Variants in SPACA6 observed in about 807,000 individuals in gnomAD.
The protein encoded by SPACA6 is sperm acrosome membrane-associated protein 6.
For synonymous variants in SPACA6, 6 were observed against 1.5 expected, an observed-to-expected ratio of 4.05 and a Z score of -2.21; for missense variants, 8 against 2.8, an observed-to-expected ratio of 2.88 and a Z score of -1.34.
intron 4 of SPACA6, 158 bp downstream of exon 4, chr19:51,702,810 T>G: frequency 7.5e-6 from 3 of 398,548 alleles, no homozygotes; most frequent in East Asian, 3.6e-5. Flanking sequence ...TTGCTCTAAA[T>G]CCTCAGAAGG....
At position 51,701,786 on chromosome 19, in the gene SPACA6, C is replaced by T. The variant is rs137916286; in HGVS notation, c.361+60C>T. On this transcript the variant is annotated intron_variant, in intron 3 of 8. Coordinates refer to ENST00000637797, the MANE Select transcript of SPACA6 (RefSeq NM_001316972.2). ...ACACACACACAATTAGAAAACCCCA[C>T]TTTTGGCCGGGGATGGTGGCTCACG... 3.4e-3 allele frequency: 1,329 copies of T among 395,138 alleles called. 11 individuals are homozygous for T. Among genetic ancestry groups the T allele is most frequent in the African/African-American group, 0.022 (1,046 of 48,642 alleles). The allele number at this position is 395,138 out of a possible 1,614,324, so 24.5% of individuals were successfully genotyped here. A position where few individuals can be genotyped will look rare whatever the true frequency, so the allele number is the denominator to read the frequency against.
downstream of SPACA6, among the ~76,000 whole-genome samples, chr19:51,707,181 G>A (rs1211000496): frequency 2.0e-5 from 3 of 151,602 alleles, no homozygotes; most frequent in Non-Finnish European, 2.9e-5. Context: ...GTACTCACAT[G>A]GAACTTACAT....
At chr19:51,712,396 A>G (rs1423709253), downstream of SPACA6, 4 of 152,220 alleles carry the variant, frequency 2.6e-5, no homozygotes, top group African/African-American at 7.2e-5. Context: ...GAAATTTGCT[A>G]TTAACCGAAA....
At chr19:51,697,646 T>G (rs1226758168) in intron 2 of SPACA6, among the ~76,000 whole-genome samples, 4 of 152,086 alleles carry the variant, frequency 2.6e-5, no homozygotes, top group African/African-American at 9.6e-5. Flanking sequence ...GGATGACTTT[T>G]GCGTCTCCTC....
chr19:51,683,830 G>A, the SPACA6 span, among the ~76,000 whole-genome samples: 1 of 152,184 alleles, frequency 6.6e-6, no homozygotes, highest in East Asian at 1.9e-4. Flanking sequence ...GACATAGAGA[G>A]ACATAGCTAG....
chr19:51,699,332 A>C (rs2083452502), intron 2 of SPACA6, among the ~76,000 whole-genome samples: 1 of 152,154 alleles, frequency 6.6e-6, no homozygotes, highest in African/African-American at 2.4e-5. Context: ...TGACTCACAT[A>C]ACACATCCAT....
downstream of SPACA6, among the ~76,000 whole-genome samples, chr19:51,706,344 A>G (rs112688679): frequency 6.0e-3 from 913 of 152,082 alleles, 8 homozygotes; most frequent in African/African-American, 0.021. Flanking sequence ...CATTACATCT[A>G]TTAACCCCGC....
downstream of SPACA6, among the ~76,000 whole-genome samples, chr19:51,708,152 A>T (rs76937615): frequency 7.2e-5 from 11 of 152,270 alleles, no homozygotes; most frequent in East Asian, 1.9e-3. Flanking sequence ...GCTGGTGACC[A>T]GCGCTCTTCC....
chr19:51,693,115 C>T (rs2083389966), upstream of SPACA6: 1 of 382,402 alleles, frequency 2.6e-6, no homozygotes, highest in Non-Finnish European at 5.3e-6. Flanking sequence ...CTTTCTAGGT[C>T]TCTGCCCCTC....
chr19:51,702,523 G>A (rs1336736019), intron 3 of SPACA6, 106 bp from the exon 4 acceptor site: 8 of 396,408 alleles, frequency 2.0e-5, no homozygotes, highest in Non-Finnish European at 3.1e-5. Context: ...GCTTGGCCCC[G>A]CCCCCTCGGA....
chr19:51,708,099 G>A (rs2083524418), downstream of SPACA6, among the ~76,000 whole-genome samples: 1 of 152,144 alleles, frequency 6.6e-6, no homozygotes, highest in Non-Finnish European at 1.5e-5. Flanking sequence ...GGGGGCAGCG[G>A]GTGAGGCCGA....
intron 2 of SPACA6, among the ~76,000 whole-genome samples, chr19:51,711,460 C>A (rs1056247480): frequency 6.6e-6 from 1 of 152,134 alleles, no homozygotes; most frequent in Non-Finnish European, 1.5e-5. Flanking sequence ...ACGGTACAGT[C>A]CCTGTGCAAA....
chr19:51,694,972 G>A (rs529763025), intron 2 of SPACA6, among the ~76,000 whole-genome samples: 37 of 152,058 alleles, frequency 2.4e-4, no homozygotes, highest in Non-Finnish European at 4.7e-4. Flanking sequence ...TGCAGGGGTT[G>A]GGGCTGCCTG....
chr19:51,709,511 G>C (rs1257412159), downstream of SPACA6, among the ~76,000 whole-genome samples: 1 of 107,896 alleles, frequency 9.3e-6, no homozygotes, highest in Non-Finnish European at 1.7e-5. Context: ...GAGCGAAACT[G>C]CATCTCAGGA....
At chr19:51,692,470 GA>G (rs2083382216), upstream of SPACA6, 1 of 381,924 alleles carries the variant, frequency 2.6e-6, no homozygotes, top group Non-Finnish European at 5.1e-6. This position sits in a 1 kb window ranked among gnomAD's most constrained non-coding sequence, Gnocchi z 5.6. Flanking sequence ...CTGTGGTGAG[GA>G]AGGGCCTAGA....
At chr19:51,692,531 C>A, upstream of SPACA6, 1 of 461,614 alleles carries the variant, frequency 2.2e-6, no homozygotes, top group Non-Finnish European at 4.3e-6. This position sits in a 1 kb window ranked among gnomAD's most constrained non-coding sequence, Gnocchi z 5.6. Context: ...ACTCCAGGGT[C>A]CCTGATGAGG....
downstream of SPACA6, among the ~76,000 whole-genome samples, chr19:51,709,090 G>A (rs1188796011): frequency 1.3e-5 from 2 of 152,052 alleles, no homozygotes; most frequent in African/African-American, 4.8e-5. Flanking sequence ...TCGGCTGGGT[G>A]TGGTGGCTCA....
chr19:51,708,003 T>G (rs927680384), downstream of SPACA6, among the ~76,000 whole-genome samples: 2 of 152,072 alleles, frequency 1.3e-5, no homozygotes, highest in South Asian at 2.1e-4. Context: ...CCCCATAGTT[T>G]AGGGATTGTT....
At chr19:51,690,899 G>T (rs1235022485), upstream of SPACA6, among the ~76,000 whole-genome samples, 1 of 146,972 alleles carries the variant, frequency 6.8e-6, no homozygotes. Flanking sequence ...TCCGGGCCAG[G>T]TTGGTGTGGG....
Sources: gnomAD v4.1 joint callset for allele counts (sites outside exome capture counted in the v4.1 genomes callset) on GRCh38, gnomAD v4.1.1 for gene constraint, Gnocchi (gnomAD v3.1) non-coding constraint, MANE v1.5 for transcripts, NCBI Gene and HGNC (gene_info 2026-07-23, HGNC 2026-07-21) for gene names.